Variants in RGS6 observed in about 807,000 individuals in gnomAD.
RGS6 encodes regulator of G-protein signaling 6.
A neutral mutation model predicts 78.5 loss-of-function variants in RGS6; 30 were observed. The observed-to-expected ratio is 0.38, with a 90% CI of 0.29 to 0.52. RGS6 has a LOEUF of 0.52. Among genes scored for constraint, RGS6 ranks in the 20% least tolerant of loss-of-function variants. The pLI is 0.85. For missense variants in RGS6, 495 were observed against 609.7 expected, an observed-to-expected ratio of 0.81 and a Z score of 1.98; for synonymous variants, 206 against 206.0, an observed-to-expected ratio of 1.00 and a Z score of 0.00.
the RGS6 span, among the ~76,000 whole-genome samples, chr14:72,605,172 G>A: frequency 2.0e-5 from 3 of 152,224 alleles, no homozygotes; most frequent in East Asian, 5.8e-4. Context: ...CATGCTGTGG[G>A]CACGTTTCTC....
At chr14:72,258,849 A>C (rs937623486) in intron 2 of RGS6, among the ~76,000 whole-genome samples, 4 of 152,212 alleles carry the variant, frequency 2.6e-5, no homozygotes, top group Non-Finnish European at 4.4e-5. Flanking sequence ...AAAGGGTCTA[A>C]AATGGGGTTA....
chr14:72,455,777 G>A (rs7159438), intron 4 of RGS6, among the ~76,000 whole-genome samples: 1 of 151,994 alleles, frequency 6.6e-6, no homozygotes, highest in Admixed American at 6.6e-5. Flanking sequence ...CTGAGTGTCC[G>A]CTTGGAAAGC....
At chr14:72,063,855 C>A (rs1466930185) in intron 2 of RGS6, among the ~76,000 whole-genome samples, 3 of 151,942 alleles carry the variant, frequency 2.0e-5, no homozygotes, top group Admixed American at 1.3e-4. Flanking sequence ...GAATCAAGAT[C>A]ATCAGATGGG....
In RGS6 at chr14:72,370,778, A is replaced by G. The variant is rs959376580; in HGVS notation, c.184+18584A>G. On this transcript the variant is annotated intron_variant, in intron 3 of 17. Transcript: ENST00000553525. Reference sequence around the variant, plus strand: ...TTAAAATAATGTAAACTGTTCCCACAGTATTTCTTCTTAGCACTTTTCTGT... The same window carrying G: ...TTAAAATAATGTAAACTGTTCCCACGGTATTTCTTCTTAGCACTTTTCTGT... Among the ~76,000 whole-genome samples, 25 of 152,362 alleles carry G rather than the reference A, an allele frequency of 1.6e-4. No individual in the cohort carries two copies. The East Asian group carries it at 1.9e-3, about 12-fold the overall frequency.
At chr14:71,901,852 A>T in the RGS6 span, among the ~76,000 whole-genome samples, 2 of 152,236 alleles carry the variant, frequency 1.3e-5, no homozygotes, top group East Asian at 3.8e-4. Flanking sequence ...TCCAATTTCC[A>T]TGCCAATGAT....
At chr14:72,105,391 A>T (rs1294591147) in intron 2 of RGS6, among the ~76,000 whole-genome samples, 1 of 152,218 alleles carries the variant, frequency 6.6e-6, no homozygotes, top group Non-Finnish European at 1.5e-5. Context: ...GAGGGCAAGG[A>T]TCATGTTCTA....
At chr14:71,959,110 T>C (rs942549753) in intron 1 of RGS6, among the ~76,000 whole-genome samples, 2 of 152,208 alleles carry the variant, frequency 1.3e-5, no homozygotes, top group African/African-American at 4.8e-5. Context: ...CTGTCTGTCA[T>C]TGAACATTTG....
At chr14:72,300,461 A>G (rs1350557833) in intron 2 of RGS6, among the ~76,000 whole-genome samples, 3 of 152,230 alleles carry the variant, frequency 2.0e-5, no homozygotes, top group South Asian at 4.1e-4. Context: ...TTATTCCAGT[A>G]TAGCAAAAGC....
the RGS6 span, among the ~76,000 whole-genome samples, chr14:71,906,687 G>C: frequency 4.7e-5 from 6 of 127,534 alleles, no homozygotes; most frequent in African/African-American, 1.6e-4. Flanking sequence ...AACTTAATGA[G>C]GAAGGGTATA....
intron 2 of RGS6, among the ~76,000 whole-genome samples, chr14:72,091,716 T>A (rs2095274280): frequency 6.6e-6 from 1 of 151,752 alleles, no homozygotes; most frequent in Non-Finnish European, 1.5e-5. Flanking sequence ...AGGTGGAGAG[T>A]GGAAGGGGCC....
chr14:72,348,683 G>A (rs893388859), intron 2 of RGS6, among the ~76,000 whole-genome samples: 3 of 152,192 alleles, frequency 2.0e-5, no homozygotes, highest in African/African-American at 4.8e-5. Flanking sequence ...ATGGTGGATG[G>A]TAATAAATTG....
intron 2 of RGS6, among the ~76,000 whole-genome samples, chr14:72,256,277 G>A (rs1007202730): frequency 2.0e-5 from 3 of 152,166 alleles, no homozygotes; most frequent in African/African-American, 7.2e-5. Flanking sequence ...CAGTTTCTGG[G>A]TAGGAGTCAC....
At chr14:72,054,964 T>G (rs1204172756) in intron 2 of RGS6, among the ~76,000 whole-genome samples, 1 of 152,270 alleles carries the variant, frequency 6.6e-6, no homozygotes, top group Non-Finnish European at 1.5e-5. Flanking sequence ...TATTTTTATT[T>G]GTGCTTATAC....
At chr14:71,901,404 G>A in the RGS6 span, among the ~76,000 whole-genome samples, 9 of 152,096 alleles carry the variant, frequency 5.9e-5, no homozygotes, top group African/African-American at 2.2e-4. Context: ...GCTGGTACAT[G>A]GCAGGTATAT....
chr14:72,041,072 T>C (rs72737830), intron 2 of RGS6, among the ~76,000 whole-genome samples: 10,403 of 152,304 alleles, frequency 0.068, 457 homozygotes, highest in East Asian at 0.17. Context: ...TTTATAGATA[T>C]CTGTTTTTCT....
Position 72,458,257 on chromosome 14 carries a change from C to T in RGS6, c.236-14C>T. ...CTTTCTAATTCCTTCTCTCTCTATG[C>T]ACTGTTCTTACAGTTGAAGCAATAC... On this transcript the variant is annotated splice_polypyrimidine_tract_variant and intron_variant, in intron 4 of 17. Transcript: ENST00000553525. The T allele has an allele frequency of 2.5e-6, 4 of 1,594,436 alleles. No homozygotes were observed. The highest frequency in any genetic ancestry group is 3.4e-6 in the Non-Finnish European group (4 of 1,163,012).
At chr14:72,307,412 T>C (rs977300645) in intron 2 of RGS6, among the ~76,000 whole-genome samples, 1 of 152,196 alleles carries the variant, frequency 6.6e-6, no homozygotes, top group Non-Finnish European at 1.5e-5. Flanking sequence ...TGTCAAGATT[T>C]TAATGGCTTC....
intron 1 of RGS6, among the ~76,000 whole-genome samples, chr14:71,952,572 C>T (rs78404219): frequency 0.023 from 3,516 of 152,064 alleles, 134 homozygotes; most frequent in African/African-American, 0.08. Context: ...CTGCCATCTA[C>T]ACGGTATGAG....
intron 2 of RGS6, among the ~76,000 whole-genome samples, chr14:72,218,069 A>C (rs2046000992): frequency 6.6e-6 from 1 of 152,164 alleles, no homozygotes; most frequent in Non-Finnish European, 1.5e-5. Context: ...ATAGTTTTCT[A>C]TGGAATGGAT....
Sources: allele counts gnomAD v4.1 joint callset (sites outside exome capture counted in the v4.1 genomes callset), GRCh38; gene constraint gnomAD v4.1.1; transcripts MANE v1.5; gene names NCBI Gene and HGNC (gene_info 2026-07-23, HGNC 2026-07-21).